The following ABCC1 variants were observed in gnomAD, a reference collection of about 807,000 sequenced individuals.
ABCC1 encodes the protein multidrug resistance-associated protein 1.
A neutral mutation model predicts 172.9 loss-of-function variants in ABCC1; 83 were observed. That is an observed-to-expected ratio of 0.48 (90% CI 0.40 to 0.58). The LOEUF (loss-of-function observed/expected upper bound fraction) is 0.58, where lower values mean the gene tolerates loss of function less well. Ranked by LOEUF, ABCC1 falls within the 20% of genes least tolerant of loss-of-function variation. The pLI, the probability that ABCC1 is intolerant of heterozygous loss-of-function variation, is 0.00. For missense variants in ABCC1, 1,817 were observed against 2,002.7 expected (o/e 0.91, Z 1.77); for synonymous variants, 937 against 825.2 (o/e 1.14, Z -2.32).
At chr16:16,050,082 C>T (rs951796587) in intron 10 of ABCC1, among the ~76,000 whole-genome samples, 4 of 152,148 alleles carry the variant, frequency 2.6e-5, no homozygotes, top group African/African-American at 9.7e-5. Flanking sequence ...TACTTGCAGA[C>T]ATATAGCAGC....
intron 1 of ABCC1, among the ~76,000 whole-genome samples, chr16:15,977,711 G>A (rs1361514755): frequency 6.6e-6 from 1 of 152,088 alleles, no homozygotes; most frequent in African/African-American, 2.4e-5. Flanking sequence ...GCCTTCCAGA[G>A]TGCTGGGATT....
intron 13 of ABCC1, among the ~76,000 whole-genome samples, chr16:16,071,388 G>A (rs112859052): frequency 4.0e-5 from 6 of 151,820 alleles, no homozygotes; most frequent in South Asian, 2.1e-4. Context: ...TTGAGCTACC[G>A]TGCCCAGCCA....
chr16:16,113,753 C>G (rs554175231), intron 22 of ABCC1, among the ~76,000 whole-genome samples: 96 of 152,296 alleles, frequency 6.3e-4, no homozygotes, highest in Non-Finnish European at 1.1e-3. Context: ...CAGCACTGTT[C>G]TAAAACAGCG....
intron 7 of ABCC1, among the ~76,000 whole-genome samples, chr16:16,039,235 A>ATGTGTGTGTGTGTGTGTGTGTGTG (rs1567337955): frequency 2.9e-5 from 3 of 102,794 alleles, no homozygotes; most frequent in African/African-American, 9.7e-5. Context: ...GTGTGTGTGT[A>ATGTGTGTGTGTGTGTGTGTGTGTG]TGTATGTGTG....
chr16:16,083,674 T>C, intron 17 of ABCC1, 132 bp downstream of exon 17: 10 of 1,173,222 alleles, frequency 8.5e-6, no homozygotes, highest in Non-Finnish European at 9.7e-6. Flanking sequence ...GCGGCTCTGC[T>C]GCACGCTGCA....
At chr16:16,132,516 T>TTTTTTTG (rs2045739174) in intron 27 of ABCC1, among the ~76,000 whole-genome samples, 2 of 79,768 alleles carry the variant, frequency 2.5e-5, no homozygotes, top group Non-Finnish European at 5.5e-5. Context: ...GGTTGTTTTT[T>TTTTTTTG]TTTTTTTTTT....
At chr16:16,038,684 A>G (rs1423701405) in intron 7 of ABCC1, among the ~76,000 whole-genome samples, 8 of 152,148 alleles carry the variant, frequency 5.3e-5, no homozygotes, top group Admixed American at 3.3e-4. Flanking sequence ...TAACCCAGTC[A>G]ACTTGACCCC....
chr16:16,045,146 A>G (rs2049151538), intron 8 of ABCC1, among the ~76,000 whole-genome samples: 1 of 152,034 alleles, frequency 6.6e-6, no homozygotes, highest in African/African-American at 2.4e-5. Flanking sequence ...TCATGCCTAT[A>G]ATCCCAGCAC....
intron 20 of ABCC1, chr16:16,105,277 A>G (rs955910228): frequency 6.6e-6 from 1 of 152,276 alleles, no homozygotes; most frequent in African/African-American, 2.4e-5. Flanking sequence ...AGGTGTGTGG[A>G]TGTGTGAAGT....
At position 16,045,879 on chromosome 16, in the gene ABCC1, C is replaced by G. The variant is rs1253946503; in HGVS notation, c.1084C>G (p.Gln362Glu). The G allele has an allele frequency of 6.2e-7, 1 of 1,614,156 alleles. No homozygotes were observed. The highest frequency in any genetic ancestry group is 1.7e-5 in the Admixed American group (1 of 60,014). The stretch of plus-strand genomic sequence containing the variant: ...GAATGACACGAAGGCCCCAGACTGG[C>G]AGGGCTACTTCTACACCGTGCTGCT... ...FVNDTKAPDW[Q>E]GYFYTVLLFV... Residue 362 changes from glutamine (Q) to glutamate (E), a missense_variant, in exon 9 of 31, where the codon CAG (glutamine) becomes GAG (glutamate). By Grantham distance (29) the Gln-to-Glu change is conservative. Transcript: ENST00000399410.
intron 5 of ABCC1, among the ~76,000 whole-genome samples, chr16:16,020,359 C>G (rs1023136850): frequency 6.6e-6 from 1 of 152,232 alleles, no homozygotes; most frequent in Non-Finnish European, 1.5e-5. Context: ...GAAGCCTGAA[C>G]TTCCCTCTGG....
intron 19 of ABCC1, among the ~76,000 whole-genome samples, chr16:16,097,423 C>G (rs1444167886): frequency 6.6e-6 from 1 of 152,138 alleles, no homozygotes; most frequent in South Asian, 2.1e-4. Context: ...GCTCTGAGGG[C>G]TTTTTGGTTG....
intron 1 of ABCC1, among the ~76,000 whole-genome samples, chr16:15,975,436 G>C (rs1214891013): frequency 6.6e-6 from 1 of 152,154 alleles, no homozygotes; most frequent in Non-Finnish European, 1.5e-5. Context: ...CCTAAAGTAG[G>C]ATTGTTGGGT....
At chr16:16,095,123 A>G (rs1044513103) in intron 19 of ABCC1, 1 of 152,128 alleles carries the variant, frequency 6.6e-6, no homozygotes, top group African/African-American at 2.4e-5. Flanking sequence ...CGGCCTCACA[A>G]ATGTTCTTAA....
At chr16:15,950,336 TG>T (rs1714596332) in intron 1 of ABCC1, among the ~76,000 whole-genome samples, 1 of 152,074 alleles carries the variant, frequency 6.6e-6, no homozygotes. Context: ...TACCTAGCTT[TG>T]TTTTTTTTGT....
rs1322443241 is a variant in ABCC1 at position 16,044,507 on chromosome 16, C to T, written c.867C>T (p.Ser289=). ...ATCCTGCCCAGCCGAAAGAGAGTTC[C>T]AAGGTGGATGCGAATGAGGAGGTGG... is the stretch of plus-strand genomic sequence containing the variant. ...SKDPAQPKES[S]KVDANEEVEA... The change falls in exon 8 of 31, where the codon TCC becomes TCT. Residue 289 remains serine, a synonymous_variant. Coordinates refer to ENST00000399410, the MANE Select transcript of ABCC1 (RefSeq NM_004996.4). The T allele has an allele frequency of 2.5e-6, 4 of 1,614,062 alleles. No homozygotes were observed. In the African/African-American group the frequency reaches 4.0e-5, roughly 16 times the overall value.
intron 1 of ABCC1, among the ~76,000 whole-genome samples, chr16:16,006,147 C>T (rs967231256): frequency 6.6e-6 from 1 of 152,120 alleles, no homozygotes; most frequent in South Asian, 2.1e-4. Context: ...CTATTTTGTA[C>T]TTCTTATTTT....
intron 17 of ABCC1, among the ~76,000 whole-genome samples, chr16:16,085,507 C>T (rs940405596): frequency 5.9e-5 from 9 of 152,340 alleles, no homozygotes; most frequent in Admixed American, 2.6e-4. Flanking sequence ...TGGCTGGGCG[C>T]GGTAGCTCAC....
chr16:16,097,434 T>C (rs556516802), intron 19 of ABCC1, among the ~76,000 whole-genome samples: 1 of 152,198 alleles, frequency 6.6e-6, no homozygotes, highest in South Asian at 2.1e-4. Flanking sequence ...TTTTTGGTTG[T>C]CTCTCCATCC....
Sources: gnomAD v4.1 joint callset for allele counts (sites outside exome capture counted in the v4.1 genomes callset) on GRCh38, gnomAD v4.1.1 for gene constraint, MANE v1.5 for transcripts, NCBI Gene and HGNC (gene_info 2026-07-23, HGNC 2026-07-21) for gene names.